The following NEGR1 variants were observed in gnomAD, a reference collection of about 807,000 sequenced individuals.
NEGR1 encodes the protein neuronal growth regulator 1.
In NEGR1, 10 loss-of-function variants were observed where a neutral mutation model predicts 40.9. The ratio of observed to expected loss-of-function variants is 0.24; its 90% CI spans 0.15 to 0.42. The LOEUF is 0.42. Among genes scored for constraint, NEGR1 ranks in the 10% least tolerant of loss-of-function variants. NEGR1 has a pLI of 1.00. For synonymous variants in NEGR1, 185 were observed against 166.8 expected (o/e 1.11, Z -0.84); for missense variants, 352 against 438.9 (o/e 0.80, Z 1.77).
At chr1:72,094,561 C>A (rs1467968979) in intron 1 of NEGR1, among the ~76,000 whole-genome samples, 3 of 152,164 alleles carry the variant, frequency 2.0e-5, no homozygotes, top group Non-Finnish European at 4.4e-5. Flanking sequence ...CACCTGGAAC[C>A]CTCCAATTCA....
At chr1:72,118,005 A>C (rs1649646226) in intron 1 of NEGR1, among the ~76,000 whole-genome samples, 1 of 151,850 alleles carries the variant, frequency 6.6e-6, no homozygotes, top group Non-Finnish European at 1.5e-5. Flanking sequence ...GGAAGTCATC[A>C]AACACTGCTG....
chr1:71,908,021 G>A (rs1360638958), intron 2 of NEGR1, among the ~76,000 whole-genome samples: 1 of 151,976 alleles, frequency 6.6e-6, no homozygotes, highest in Admixed American at 6.6e-5. Flanking sequence ...GAAAGGAGGG[G>A]AGCAAGGTTT....
intron 1 of NEGR1, among the ~76,000 whole-genome samples, chr1:72,195,127 G>A (rs1652956387): frequency 6.6e-6 from 1 of 151,956 alleles, no homozygotes; most frequent in Non-Finnish European, 1.5e-5. Context: ...TCCATGCTTA[G>A]CCATTGAAAC....
At chr1:71,679,264 G>C (rs992472232) in intron 4 of NEGR1, among the ~76,000 whole-genome samples, 9 of 151,982 alleles carry the variant, frequency 5.9e-5, no homozygotes, top group African/African-American at 2.2e-4. Flanking sequence ...AGTTTTTAAA[G>C]TTCAACAAAA....
At chr1:72,187,421 T>C (rs978430618) in intron 1 of NEGR1, among the ~76,000 whole-genome samples, 2 of 151,472 alleles carry the variant, frequency 1.3e-5, no homozygotes, top group Non-Finnish European at 3.0e-5. Context: ...TCTTAATTTA[T>C]TTGATCAATT....
intron 1 of NEGR1, among the ~76,000 whole-genome samples, chr1:72,053,776 CTAAT>C (rs1647084949): frequency 6.6e-6 from 1 of 150,756 alleles, no homozygotes; most frequent in Non-Finnish European, 1.5e-5. Context: ...AGAGACTTAC[CTAAT>C]AGTACACTAG....
chr1:72,252,031 A>G (rs372457087), intron 1 of NEGR1, among the ~76,000 whole-genome samples: 2 of 152,190 alleles, frequency 1.3e-5, no homozygotes, highest in South Asian at 4.1e-4. Context: ...CATTAATCAG[A>G]TTTTATTTAT....
chr1:72,024,330 A>T (rs1646788396), intron 1 of NEGR1, among the ~76,000 whole-genome samples: 1 of 152,060 alleles, frequency 6.6e-6, no homozygotes, highest in African/African-American at 2.4e-5. Context: ...TTTGAGCAAG[A>T]GATGTTTTGA....
intron 2 of NEGR1, among the ~76,000 whole-genome samples, chr1:71,879,299 A>G (rs2101841243): frequency 6.6e-6 from 1 of 152,094 alleles, no homozygotes; most frequent in South Asian, 2.1e-4. Flanking sequence ...AAAAGATGCT[A>G]CTCCCCACCC....
At chr1:72,161,950 C>A (rs548626594) in intron 1 of NEGR1, among the ~76,000 whole-genome samples, 2 of 151,844 alleles carry the variant, frequency 1.3e-5, no homozygotes, top group African/African-American at 4.8e-5. Context: ...CCTCTGCCTC[C>A]CAAAGTGCTG....
At chr1:72,280,603 T>TA (rs1253368973) in intron 1 of NEGR1, among the ~76,000 whole-genome samples, 19 of 152,344 alleles carry the variant, frequency 1.2e-4, no homozygotes, top group Non-Finnish European at 2.1e-4. Flanking sequence ...AGTTTTTTTT[T>TA]ACTGTGTAAT....
intron 1 of NEGR1, among the ~76,000 whole-genome samples, chr1:72,165,973 A>T (rs1328588867): frequency 6.6e-6 from 1 of 152,024 alleles, no homozygotes; most frequent in Admixed American, 6.6e-5. Context: ...TCAGAAATTC[A>T]ACTTGAACTA....
intron 2 of NEGR1, among the ~76,000 whole-genome samples, chr1:71,886,502 A>T (rs1043225515): frequency 3.3e-5 from 5 of 151,550 alleles, no homozygotes; most frequent in African/African-American, 1.2e-4. Context: ...GGAAGGAGGA[A>T]TTGAGGGTGA....
chr1:71,541,587 A>G (rs1219389343), intron 6 of NEGR1, among the ~76,000 whole-genome samples: 1 of 151,824 alleles, frequency 6.6e-6, no homozygotes, highest in Non-Finnish European at 1.5e-5. Flanking sequence ...ATAGGCATTA[A>G]ATGAAGTTTC....
chr1:71,726,219 C>A (rs752800274), intron 3 of NEGR1, among the ~76,000 whole-genome samples: 8 of 151,906 alleles, frequency 5.3e-5, no homozygotes, highest in Non-Finnish European at 1.0e-4. Context: ...ATACTTTCTG[C>A]AAGTAATCAT....
chr1:71,843,444 G>T (rs1166285825), intron 2 of NEGR1, among the ~76,000 whole-genome samples: 1 of 152,104 alleles, frequency 6.6e-6, no homozygotes, highest in African/African-American at 2.4e-5. Context: ...CACTGAAATG[G>T]TATCAAACCA....
At chr1:72,259,169 G>A (rs994284364) in intron 1 of NEGR1, among the ~76,000 whole-genome samples, 1 of 152,104 alleles carries the variant, frequency 6.6e-6, no homozygotes, top group Non-Finnish European at 1.5e-5. Context: ...GGATATGTCA[G>A]TAGTTACCAA....
chr1:72,012,994 G>T (rs1646673020), intron 1 of NEGR1, among the ~76,000 whole-genome samples: 1 of 151,084 alleles, frequency 6.6e-6, no homozygotes, highest in Non-Finnish European at 1.5e-5. Context: ...TAGGAGATAT[G>T]GCATATAACA....
At chr1:72,103,105 T>C (rs1557527649) in intron 1 of NEGR1, among the ~76,000 whole-genome samples, 1 of 152,134 alleles carries the variant, frequency 6.6e-6, no homozygotes, top group African/African-American at 2.4e-5. Context: ...AGTACTTTTC[T>C]ATAAGTATAC....
Sources: allele counts gnomAD v4.1 joint callset (sites outside exome capture counted in the v4.1 genomes callset), GRCh38; gene constraint gnomAD v4.1.1; transcripts MANE v1.5; gene names NCBI Gene and HGNC (gene_info 2026-07-23, HGNC 2026-07-21).